Variants in ST8SIA4 observed in about 807,000 individuals in gnomAD.
ST8SIA4 encodes the protein ST8 alpha-N-acetyl-neuraminide alpha-2,8-sialyltransferase 4.
Under a neutral mutation model 33.9 loss-of-function variants are expected in ST8SIA4, and 15 were observed. The observed-to-expected ratio is 0.44, with a 90% confidence interval of 0.30 to 0.68. ST8SIA4 has a LOEUF of 0.68. ST8SIA4 is among the 30% of genes least tolerant of loss of function. The probability of loss-of-function intolerance (pLI) is 0.10; values close to 1 mark genes in which losing one functional copy is unlikely to be tolerated. For synonymous variants in ST8SIA4, 171 were observed against 151.2 expected, an observed-to-expected ratio of 1.13 and a Z score of -0.96; for missense variants, 321 against 428.0, an observed-to-expected ratio of 0.75 and a Z score of 2.21.
intron 2 of ST8SIA4, among the ~76,000 whole-genome samples, chr5:100,888,225 ATG>A (rs1752584856): frequency 6.6e-6 from 1 of 151,338 alleles, no homozygotes. Flanking sequence ...ATATATATAT[ATG>A]GCTTTAATAT....
chr5:100,863,100 T>TC (rs1276897673), intron 3 of ST8SIA4, among the ~76,000 whole-genome samples: 1 of 152,086 alleles, frequency 6.6e-6, no homozygotes, highest in Admixed American at 6.5e-5. Flanking sequence ...TAAATCCTCC[T>TC]CCCCAAAGGT....
intron 4 of ST8SIA4, among the ~76,000 whole-genome samples, chr5:100,838,604 A>G (rs1240688989): frequency 1.3e-5 from 2 of 151,490 alleles, no homozygotes; most frequent in African/African-American, 4.8e-5. Flanking sequence ...AATTTGGAGC[A>G]CTAGAGAAAA....
intron 2 of ST8SIA4, among the ~76,000 whole-genome samples, chr5:100,894,665 G>C (rs1461908167): frequency 1.3e-5 from 2 of 151,926 alleles, no homozygotes; most frequent in Non-Finnish European, 2.9e-5. Flanking sequence ...TGAAATTTCT[G>C]TGCATACTCT....
rs73162255 is a variant in ST8SIA4 at position 100,871,771 on chromosome 5, C to T, written c.503+14572G>A. The stretch of plus-strand genomic sequence containing the variant: ...TATGAGTTTTGTTTTACAGTTTGTG[C>T]TTTTCTTTACTATGTTCTCATCTGA... On this transcript the variant is annotated intron_variant, in intron 3 of 4. Transcript: ENST00000231461. Among the ~76,000 whole-genome samples the T allele has an allele frequency of 4.0e-3, 604 of 152,120 alleles. 4 individuals are homozygous for T. The highest frequency in any genetic ancestry group is 0.014 in the African/African-American group (580 of 41,530).
intron 3 of ST8SIA4, among the ~76,000 whole-genome samples, chr5:100,882,896 A>T (rs986412870): frequency 1.3e-5 from 2 of 152,226 alleles, no homozygotes; most frequent in Admixed American, 1.3e-4. Context: ...AAATGCCTGG[A>T]TGCCTAGGCA....
chr5:100,883,112 C>A (rs547525121), intron 3 of ST8SIA4, among the ~76,000 whole-genome samples: 1 of 152,176 alleles, frequency 6.6e-6, no homozygotes, highest in East Asian at 1.9e-4. Flanking sequence ...AAAAGCCGCA[C>A]TCAATGCTAG....
intron 3 of ST8SIA4, among the ~76,000 whole-genome samples, chr5:100,869,136 T>C (rs1223769169): frequency 6.6e-6 from 1 of 152,112 alleles, no homozygotes; most frequent in East Asian, 1.9e-4. Context: ...GTATCTGAAC[T>C]TTCTGATAAA....
intron 3 of ST8SIA4, among the ~76,000 whole-genome samples, chr5:100,859,885 C>T (rs907190123): frequency 6.6e-6 from 1 of 152,134 alleles, no homozygotes; most frequent in African/African-American, 2.4e-5. Context: ...CATTTATTAA[C>T]AGGCATTTAT....
chr5:100,827,561 C>G (rs1010162902), intron 4 of ST8SIA4, among the ~76,000 whole-genome samples: 4 of 152,216 alleles, frequency 2.6e-5, no homozygotes, highest in African/African-American at 9.7e-5. Context: ...AGTTTGAATG[C>G]TTTTCTCTGG....
intron 3 of ST8SIA4, among the ~76,000 whole-genome samples, chr5:100,876,574 A>G (rs1752312150): frequency 6.6e-6 from 1 of 152,034 alleles, no homozygotes; most frequent in East Asian, 1.9e-4. Context: ...ATCTTAGCCA[A>G]TCTTCTTTCT....
intron 1 of ST8SIA4, 41 bp downstream of exon 1, chr5:100,902,802 T>A (rs1350687817): frequency 6.5e-7 from 1 of 1,527,234 alleles, no homozygotes; most frequent in Non-Finnish European, 9.1e-7. Context: ...CATTTATGGC[T>A]TGACTTTTTG....
Position 100,812,120 on chromosome 5 carries a change from C to G in ST8SIA4, c.807G>C (p.Leu269=), listed in dbSNP as rs751917073. 1 of 1,604,582 alleles carries G rather than the reference C, an allele frequency of 6.2e-7. No individual in the cohort carries two copies. The change falls in exon 5 of 5, where the codon CTG becomes CTC. Residue 269 remains leucine (L), a synonymous_variant. Transcript: ENST00000231461. ...GTCTTTTGATAGGAACTTTGTTGGT[C>G]AGCCAGTAACTGGAAAAACAAAAAA... The part of the protein sequence containing the change: ...RLIHAVRGYW[L]TNKVPIKRPS...
At chr5:100,862,385 A>G (rs1392227182) in intron 3 of ST8SIA4, among the ~76,000 whole-genome samples, 1 of 152,030 alleles carries the variant, frequency 6.6e-6, no homozygotes. Flanking sequence ...AAATTTTTAA[A>G]ATATTTATTT....
rs150852494 is a variant in ST8SIA4, at chr5:100,849,530, C to T, written c.797+6573G>A. The T allele has an allele frequency of 1.5e-4, 135 of 897,286 alleles. 1 individual carries two copies. The East Asian group carries it at 0.011, about 74-fold the overall frequency. 55.6% of individuals were successfully genotyped at this position (897,286 alleles called of 1,614,324 possible). Reference sequence around the variant, plus strand: ...AGCGCGGTGGCTCACGCCTGTAATCCCCGCACTTTGGGAGGCTAAGGCGGA... The same window carrying T: ...AGCGCGGTGGCTCACGCCTGTAATCTCCGCACTTTGGGAGGCTAAGGCGGA... On this transcript the variant is annotated intron_variant, in intron 4 of 4. Coordinates refer to ENST00000231461, the MANE Select transcript of ST8SIA4 (RefSeq NM_005668.6).
chr5:100,899,011 A>G (rs1485185556), intron 1 of ST8SIA4, among the ~76,000 whole-genome samples: 11 of 152,196 alleles, frequency 7.2e-5, no homozygotes, highest in Non-Finnish European at 1.5e-5. Context: ...TTTTTAGGTA[A>G]CCTAGTGTCT....
At chr5:100,848,005 G>C (rs1751604377) in intron 4 of ST8SIA4, among the ~76,000 whole-genome samples, 1 of 151,922 alleles carries the variant, frequency 6.6e-6, no homozygotes, top group East Asian at 1.9e-4. Flanking sequence ...AAATCAATTA[G>C]ACTATTATCT....
chr5:100,858,628 T>C (rs3857365), intron 3 of ST8SIA4, among the ~76,000 whole-genome samples: 35,320 of 152,036 alleles, frequency 0.23, 5,148 homozygotes, highest in Non-Finnish European at 0.32. Context: ...CAATTAAAGC[T>C]GAAGGCTGAA....
intron 3 of ST8SIA4, among the ~76,000 whole-genome samples, chr5:100,883,227 G>C (rs983188438): frequency 5.3e-5 from 8 of 152,216 alleles, no homozygotes; most frequent in Non-Finnish European, 8.8e-5. Flanking sequence ...ACCTACACGT[G>C]AGACCTGGCA....
rs767033882 is a variant in ST8SIA4, at chr5:100,812,133, GA to G, written c.798-5del. 6.3e-7 allele frequency: 1 copy of G among 1,596,018 alleles called. No homozygotes were observed. ...AACTTTGTTGGTCAGCCAGTAACTG[GA>G]AAAACAAAAAACAAAATCAAGAAGA... On this transcript the variant is annotated splice_polypyrimidine_tract_variant and splice_region_variant and intron_variant, in intron 4 of 4. Coordinates refer to ENST00000231461, the MANE Select transcript of ST8SIA4 (RefSeq NM_005668.6).
Sources: gnomAD v4.1 joint callset for allele counts (sites outside exome capture counted in the v4.1 genomes callset) on GRCh38, gnomAD v4.1.1 for gene constraint, MANE v1.5 for transcripts, NCBI Gene and HGNC (gene_info 2026-07-23, HGNC 2026-07-21) for gene names.